CD276: variants seen among roughly 807,000 people sequenced by gnomAD.
The protein encoded by CD276 is CD276 antigen.
In CD276, 34 loss-of-function variants were observed where a neutral mutation model predicts 50.0. The ratio of observed to expected loss-of-function variants is 0.68; its 90% CI spans 0.52 to 0.91. The LOEUF (loss-of-function observed/expected upper bound fraction) is 0.91, where lower values mean the gene tolerates loss of function less well. Ranked by LOEUF, CD276 falls within the 40% of genes least tolerant of loss-of-function variation. CD276 has a pLI of 0.00. For synonymous variants in CD276, 275 were observed against 313.0 expected (o/e 0.88, Z 1.28); for missense variants, 634 against 717.5 (o/e 0.88, Z 1.33).
In CD276 at chr15:73,714,072, A is replaced by G. The variant is rs1901027411; in HGVS notation, c.*1116A>G. On this transcript the variant is annotated 3_prime_UTR_variant, in exon 10 of 10. Coordinates refer to ENST00000318443, the MANE Select transcript of CD276 (RefSeq NM_001024736.2). ...CACCCCCATCCCACCCATAATTCTTACCCAGAGCATGGGGTTGGGGCGGAA... is the reference window on the plus strand; with the variant it reads ...CACCCCCATCCCACCCATAATTCTTGCCCAGAGCATGGGGTTGGGGCGGAA... 3 of 289,882 alleles carry G rather than the reference A, an allele frequency of 1.0e-5. No homozygotes were observed. Among genetic ancestry groups the G allele is most frequent in the Non-Finnish European group, 1.9e-5 (3 of 153,852 alleles). The allele number at this position is 289,882 out of a possible 1,614,324, so 18.0% of individuals were successfully genotyped here. A position where few individuals can be genotyped will look rare whatever the true frequency, so the allele number is the denominator to read the frequency against.
rs572948155 is a variant in CD276 at position 73,713,240 on chromosome 15, A to G, written c.*284A>G. 6.8e-6 allele frequency: 3 copies of G among 442,998 alleles called. No individual in the cohort carries two copies. In the East Asian group the frequency reaches 1.2e-4, roughly 17 times the overall value. 27.4% of individuals were successfully genotyped at this position (442,998 alleles called of 1,614,324 possible). A position where few individuals can be genotyped will look rare whatever the true frequency, so the allele number is the denominator to read the frequency against. On this transcript the variant is annotated 3_prime_UTR_variant, in exon 10 of 10. Transcript: ENST00000318443. ...TGCTGCCTTATTTCACAGTACATACATTTCTTAGGGACACAGTACACTGAC... is the reference window on the plus strand; with the variant it reads ...TGCTGCCTTATTTCACAGTACATACGTTTCTTAGGGACACAGTACACTGAC...
chr15:73,703,156 A>G, intron 4 of CD276, 70 bp downstream of exon 4: 1 of 1,488,416 alleles, frequency 6.7e-7, no homozygotes, highest in Non-Finnish European at 9.0e-7. Flanking sequence ...GGGAGCTCCG[A>G]ATCTGGCCCC....
chr15:73,708,216 T>C (rs1900723198), intron 6 of CD276, 123 bp from the exon 7 acceptor site: 11 of 1,032,676 alleles, frequency 1.1e-5, no homozygotes, highest in Non-Finnish European at 1.6e-5. Flanking sequence ...TAAGTGAGCT[T>C]TATTCATAGT....
intron 9 of CD276, chr15:73,712,154 C>CAAA (rs386383477): frequency 0.4 from 37,756 of 95,244 alleles, 7,610 homozygotes; most frequent in Non-Finnish European, 0.46. Flanking sequence ...GATTCCATCT[C>CAAA]AAAAAAAAAA....
chr15:73,687,692 C>G lies in CD276; in HGVS notation c.-55+3232C>G, dbSNP rs1479028682. ...AGTTCTGACCAGTGCTCCCAGCCAG[C>G]TGCCCCCTTTCTCCCTTTCTTTCTC... is the stretch of plus-strand genomic sequence containing the variant. On this transcript the variant is annotated intron_variant, in intron 1 of 9. Transcript: ENST00000318443. This position sits in a 1 kb window ranked among gnomAD's most constrained non-coding sequence, Gnocchi z 4.0. Among the ~76,000 whole-genome samples the G allele has an allele frequency of 6.6e-6, 1 of 152,222 alleles. No individual in the cohort carries two copies. Among genetic ancestry groups the G allele is most frequent in the Non-Finnish European group, 1.5e-5 (1 of 68,034 alleles).
chr15:73,693,847 A>G (rs28613303), intron 1 of CD276, among the ~76,000 whole-genome samples: 11,908 of 133,192 alleles, frequency 0.089, 639 homozygotes, highest in African/African-American at 0.17. Flanking sequence ...TAGCCCATGC[A>G]GGCCATGGGT....
chr15:73,701,470 CT>C, intron 2 of CD276, among the ~76,000 whole-genome samples: 1 of 152,340 alleles, frequency 6.6e-6, no homozygotes, highest in South Asian at 2.1e-4. Flanking sequence ...TTCAAGTCAT[CT>C]TTGGTCTGGG....
chr15:73,695,573 G>A (rs1364351677), intron 1 of CD276, among the ~76,000 whole-genome samples: 1 of 152,028 alleles, frequency 6.6e-6, no homozygotes, highest in Admixed American at 6.6e-5. Flanking sequence ...TTATCTCTCT[G>A]CCCCTAGTAC....
chr15:73,684,242 G>T (rs934543998), upstream of CD276: 1 of 152,024 alleles, frequency 6.6e-6, no homozygotes, highest in African/African-American at 2.4e-5. Context: ...CAGCGGGCTG[G>T]CTCAGGCCTC....
rs546059058 is a variant in CD276 at position 73,704,468 on chromosome 15, C to T, written c.1365C>T (p.Ile455=). 1.6e-5 allele frequency: 26 copies of T among 1,612,590 alleles called. 2 individuals carry two copies. In the Admixed American group the frequency reaches 3.2e-4, roughly 20 times the overall value. ...AGGATGCGCACGGCTCTGTCACCAT[C>T]ACAGGTAAGGGCAGATGAACAGCTG... ...LQQDAHGSVT[I]TGQPMTFPPE... is the part of the protein sequence containing the mutation. The change falls in exon 6 of 10, where the codon ATC becomes ATT. Residue 455 remains isoleucine, a synonymous_variant. Coordinates refer to ENST00000318443, the MANE Select transcript of CD276 (RefSeq NM_001024736.2). This position sits in a 1 kb window ranked among gnomAD's most constrained non-coding sequence, Gnocchi z 4.1.
intron 1 of CD276, among the ~76,000 whole-genome samples, chr15:73,694,144 C>T (rs900267481): frequency 6.6e-6 from 1 of 152,098 alleles, no homozygotes; most frequent in African/African-American, 2.4e-5. Flanking sequence ...ACTGATCTTC[C>T]CCCTCCACGT....
intron 8 of CD276, 79 bp downstream of exon 8, chr15:73,709,768 G>T: frequency 7.1e-7 from 1 of 1,414,258 alleles, no homozygotes; most frequent in Admixed American, 2.1e-5. Context: ...AGGATCTGGA[G>T]GGGCCAGATT....
chr15:73,686,978 G>A (rs1485494729), intron 1 of CD276, among the ~76,000 whole-genome samples: 1 of 152,120 alleles, frequency 6.6e-6, no homozygotes, highest in Non-Finnish European at 1.5e-5. Flanking sequence ...ACATCCCCAG[G>A]GCAGGAGTGT....
chr15:73,687,147 C>T lies in CD276; in HGVS notation c.-55+2687C>T, dbSNP rs1165079346. Among the ~76,000 whole-genome samples the T allele has an allele frequency of 2.0e-5, 3 of 152,148 alleles. No homozygotes were observed. The highest frequency in any genetic ancestry group is 1.5e-5 in the Non-Finnish European group (1 of 68,014). ...GAAGGGGGCCACGTGTACAGTTATG[C>T]AACCCTTGCCTGCCACCCCCAGTTC... On this transcript the variant is annotated intron_variant, in intron 1 of 9. Transcript: ENST00000318443. This position sits in a 1 kb window ranked among gnomAD's most constrained non-coding sequence, Gnocchi z 4.0.
intron 9 of CD276, among the ~76,000 whole-genome samples, chr15:73,712,706 G>T (rs1012437121): frequency 6.6e-6 from 1 of 152,148 alleles, no homozygotes; most frequent in African/African-American, 2.4e-5. Flanking sequence ...AGGGGGCTGC[G>T]TGAGGTGGTC....
chr15:73,711,107 C>T (rs1385046942), intron 8 of CD276, 28 bp from the exon 9 acceptor site: 1 of 1,613,726 alleles, frequency 6.2e-7, no homozygotes, highest in Admixed American at 1.7e-5. Context: ...GTTCCTCCCT[C>T]ACCGTGTGCG....
At chr15:73,702,228 T>C (rs1431566023) in intron 2 of CD276, 27 bp from the exon 3 acceptor site, 3 of 1,554,260 alleles carry the variant, frequency 1.9e-6, no homozygotes, top group African/African-American at 1.4e-5. Context: ...GTCCCCCTTA[T>C]ATGTTCTCCA....
Position 73,703,991 on chromosome 15 carries a change from G to A in CD276, c.1066G>A (p.Val356Met), listed in dbSNP as rs779840892. The stretch of plus-strand genomic sequence containing the variant: ...CGGCAGCGCTGCCGTCAGCCTGCAG[G>A]TGGCCGGTGAGCACCAGGAGGGCGA... ...DFGSAAVSLQ[V>M]AAPYSKPSMT... Residue 356 changes from valine to methionine, a missense_variant, in exon 5 of 10, where the codon GTG becomes ATG. By Grantham distance (21) the Val-to-Met change is conservative. Coordinates refer to ENST00000318443, the MANE Select transcript of CD276 (RefSeq NM_001024736.2). 27 of 1,608,798 alleles carry A rather than the reference G, an allele frequency of 1.7e-5. No homozygotes were observed. In the East Asian group the frequency reaches 5.6e-4, roughly 33 times the overall value.
chr15:73,693,800 G>C (rs1462745854), intron 1 of CD276, among the ~76,000 whole-genome samples: 1 of 151,440 alleles, frequency 6.6e-6, no homozygotes, highest in Non-Finnish European at 1.5e-5. Flanking sequence ...ATAAGGTAGA[G>C]CTTCTCACCG....
Sources: allele counts gnomAD v4.1 joint callset (sites outside exome capture counted in the v4.1 genomes callset), GRCh38; gene constraint gnomAD v4.1.1; non-coding constraint Gnocchi (gnomAD v3.1); transcripts MANE v1.5; gene names NCBI Gene and HGNC (gene_info 2026-07-23, HGNC 2026-07-21).